Variants in PIKFYVE observed in about 807,000 individuals in gnomAD.
PIKFYVE encodes phosphoinositide kinase, FYVE-type zinc finger containing.
A neutral mutation model predicts 257.9 loss-of-function variants in PIKFYVE; 122 were observed. The observed-to-expected ratio is 0.47, with a 90% confidence interval of 0.41 to 0.55. The LOEUF is 0.55. PIKFYVE is among the 20% of genes least tolerant of loss of function. PIKFYVE has a pLI of 0.00. For missense variants in PIKFYVE, 2,160 were observed against 2,536.6 expected, an observed-to-expected ratio of 0.85 and a Z score of 3.19; for synonymous variants, 892 against 868.9, an observed-to-expected ratio of 1.03 and a Z score of -0.47.
Position 208,336,728 on chromosome 2 carries a change from C to A in PIKFYVE, c.4521-110C>A, listed in dbSNP as rs569530833. On this transcript the variant is annotated intron_variant, in intron 27 of 41. Coordinates refer to ENST00000264380, the MANE Select transcript of PIKFYVE (RefSeq NM_015040.4). ...TATAACTTTAAAGACTATGGTAATC[C>A]AAATAGGAAAACTTTGTGATTTCAA... is the stretch of plus-strand genomic sequence containing the variant. The A allele has an allele frequency of 1.2e-5, 8 of 681,988 alleles. No homozygotes were observed. The South Asian group carries it at 1.4e-4, about 12-fold the overall frequency. 42.2% of individuals were successfully genotyped at this position (681,988 alleles called of 1,614,324 possible). A position where few individuals can be genotyped will look rare whatever the true frequency, so the allele number is the denominator to read the frequency against.
At chr2:208,335,473 G>A (rs1698029093) in intron 25 of PIKFYVE, 54 bp downstream of exon 25, 2 of 1,293,556 alleles carry the variant, frequency 1.5e-6, no homozygotes, top group Non-Finnish European at 2.2e-6. Flanking sequence ...CTATTTTAAA[G>A]TATCAGATTT....
chr2:208,277,422 A>G (rs369220142), intron 4 of PIKFYVE, 115 bp from the exon 5 acceptor site: 2 of 1,139,586 alleles, frequency 1.8e-6, no homozygotes, highest in East Asian at 4.9e-5. Flanking sequence ...GTATTCCCAT[A>G]TGAATTTTTG....
intron 27 of PIKFYVE, among the ~76,000 whole-genome samples, chr2:208,336,494 A>C (rs936362979): frequency 8.5e-5 from 13 of 152,154 alleles, no homozygotes; most frequent in Admixed American, 8.5e-4. Context: ...TTTTAACTGA[A>C]TTAGTATGCC....
In PIKFYVE at chr2:208,340,923, C is replaced by A. The variant is rs531908551; in HGVS notation, c.4931+792C>A. Among the ~76,000 whole-genome samples the A allele has an allele frequency of 2.0e-5, 3 of 152,156 alleles. No homozygotes were observed. The South Asian group carries it at 6.2e-4, about 32-fold the overall frequency. ...AGGTCCCTTTTTTCTCTACTTTAGACCTGATTATATCAGTTTCTTGATTGG... is the reference window on the plus strand; with the variant it reads ...AGGTCCCTTTTTTCTCTACTTTAGAACTGATTATATCAGTTTCTTGATTGG... On this transcript the variant is annotated intron_variant, in intron 31 of 41. Transcript: ENST00000264380.
chr2:208,288,923 C>T (rs1425080791), intron 7 of PIKFYVE, 105 bp downstream of exon 7: 2 of 1,375,120 alleles, frequency 1.5e-6, no homozygotes, highest in Non-Finnish European at 2.1e-6. Context: ...TCATATACTT[C>T]CGTAGCTCTA....
chr2:208,339,330 A>T, intron 29 of PIKFYVE, 88 bp from the exon 30 acceptor site: 1 of 1,444,432 alleles, frequency 6.9e-7, no homozygotes, highest in Non-Finnish European at 9.7e-7. Context: ...TTTAGGAAGT[A>T]GGCATATGAA....
At chr2:208,344,804 T>A (rs1188278721) in intron 32 of PIKFYVE, among the ~76,000 whole-genome samples, 1 of 152,102 alleles carries the variant, frequency 6.6e-6, no homozygotes, top group Non-Finnish European at 1.5e-5. Flanking sequence ...GGCTTCAAAC[T>A]TTTACCTGTT....
chr2:208,298,125 C>G (rs980825755), intron 7 of PIKFYVE, among the ~76,000 whole-genome samples: 1 of 152,112 alleles, frequency 6.6e-6, no homozygotes, highest in Non-Finnish European at 1.5e-5. Flanking sequence ...AACTATAAAA[C>G]CTTCTTAGTT....
intron 7 of PIKFYVE, among the ~76,000 whole-genome samples, chr2:208,294,689 AT>A (rs1318297686): frequency 6.6e-6 from 1 of 150,844 alleles, no homozygotes; most frequent in Non-Finnish European, 1.5e-5. Context: ...GGAGTTGGGG[AT>A]TTTTCTTCCC....
chr2:208,321,889 A>C (rs1217555135), intron 17 of PIKFYVE, among the ~76,000 whole-genome samples: 1 of 152,172 alleles, frequency 6.6e-6, no homozygotes, highest in South Asian at 2.1e-4. Context: ...TTTGAAATTA[A>C]GCCTTTGTGA....
chr2:208,343,783 A>G (rs1017739733), intron 32 of PIKFYVE, among the ~76,000 whole-genome samples: 1 of 151,728 alleles, frequency 6.6e-6, no homozygotes, highest in Non-Finnish European at 1.5e-5. Flanking sequence ...TCTTAAAGCT[A>G]TATCCACTGT....
At chr2:208,306,373 T>C (rs1380865699) in intron 12 of PIKFYVE, among the ~76,000 whole-genome samples, 1 of 152,230 alleles carries the variant, frequency 6.6e-6, no homozygotes, top group Non-Finnish European at 1.5e-5. Flanking sequence ...ATGAAGGTTT[T>C]GAATATAAAC....
chr2:208,327,274 A>G (rs1697034571), intron 20 of PIKFYVE, among the ~76,000 whole-genome samples: 2 of 152,220 alleles, frequency 1.3e-5, no homozygotes, highest in Admixed American at 6.5e-5. Context: ...AAATTTATAG[A>G]AAGTGATAGG....
intron 5 of PIKFYVE, 141 bp from the exon 6 acceptor site, chr2:208,285,585 T>C (rs1691466554): frequency 1.4e-6 from 1 of 703,424 alleles, no homozygotes; most frequent in African/African-American, 1.8e-5. Context: ...AAATGTCTTT[T>C]TTTGAGAGTC....
chr2:208,318,972 G>A (rs112518966), intron 16 of PIKFYVE, among the ~76,000 whole-genome samples: 6,979 of 108,118 alleles, frequency 0.065, 362 homozygotes, highest in African/African-American at 0.14. Flanking sequence ...AAAAAAAAAA[G>A]TAGGCACTTC....
intron 17 of PIKFYVE, among the ~76,000 whole-genome samples, chr2:208,321,495 A>G (rs923414771): frequency 6.6e-6 from 1 of 151,696 alleles, no homozygotes; most frequent in Non-Finnish European, 1.5e-5. Flanking sequence ...AGTAAAAATG[A>G]TGGGTTTTGA....
rs1700152113 is a variant in PIKFYVE at position 208,356,199 on chromosome 2, G to A, written c.*894G>A. On this transcript the variant is annotated 3_prime_UTR_variant, in exon 42 of 42. Transcript: ENST00000264380. ...AAAAAATAAATTAGGCCCAATCCAAGAAATTGAGTGAGAAGGAAACACTTG... is the reference window on the plus strand; with the variant it reads ...AAAAAATAAATTAGGCCCAATCCAAAAAATTGAGTGAGAAGGAAACACTTG... 6.6e-6 allele frequency: 1 copy of A among 152,140 alleles called. No individual in the cohort carries two copies. Among genetic ancestry groups the A allele is most frequent in the African/African-American group, 2.4e-5 (1 of 41,434 alleles). The allele number at this position is 152,140 out of a possible 1,614,324, so 9.4% of individuals were successfully genotyped here.
intron 28 of PIKFYVE, among the ~76,000 whole-genome samples, chr2:208,337,171 A>G (rs1287910567): frequency 6.6e-6 from 1 of 152,178 alleles, no homozygotes; most frequent in Non-Finnish European, 1.5e-5. Context: ...AGTTTGCTGC[A>G]TCACTGAGGG....
rs781027017 is a variant in PIKFYVE, at chr2:208,329,829, G to A, written c.3720-13G>A. 248 of 1,610,084 alleles carry A rather than the reference G, an allele frequency of 1.5e-4. No homozygotes were observed. The highest frequency in any genetic ancestry group is 2.1e-4 in the Non-Finnish European group (244 of 1,177,496). On this transcript the variant is annotated splice_polypyrimidine_tract_variant and intron_variant, in intron 21 of 41. Coordinates refer to ENST00000264380, the MANE Select transcript of PIKFYVE (RefSeq NM_015040.4). ...GTAATTCTTATGTTTCTAAGAGGTG[G>A]TCTCTTCTTTAGGATTGTAACAATG...
Sources: gnomAD v4.1 joint callset for allele counts (sites outside exome capture counted in the v4.1 genomes callset) on GRCh38, gnomAD v4.1.1 for gene constraint, MANE v1.5 for transcripts, NCBI Gene and HGNC (gene_info 2026-07-23, HGNC 2026-07-21) for gene names.